Variants in RELN observed in about 807,000 individuals in gnomAD.
RELN encodes the protein reelin.
Under a neutral mutation model 427.6 loss-of-function variants are expected in RELN, and 108 were observed. The observed-to-expected ratio is 0.25, with a 90% confidence interval of 0.22 to 0.30. The LOEUF (loss-of-function observed/expected upper bound fraction) is 0.30, where lower values mean the gene tolerates loss of function less well. RELN is among the 10% of genes least tolerant of loss of function. RELN has a pLI of 1.00. For synonymous variants in RELN, 1,524 were observed against 1,513.4 expected, an observed-to-expected ratio of 1.01 and a Z score of -0.16; for missense variants, 3,715 against 4,302.8, an observed-to-expected ratio of 0.86 and a Z score of 3.82.
At chr7:103,497,288 T>C (rs1828870565) in intron 55 of RELN, among the ~76,000 whole-genome samples, 1 of 152,224 alleles carries the variant, frequency 6.6e-6, no homozygotes, top group Non-Finnish European at 1.5e-5. Context: ...GAATGATATC[T>C]ATCTGCTAAA....
At chr7:103,928,094 A>C (rs376998172) in intron 1 of RELN, among the ~76,000 whole-genome samples, 1 of 152,196 alleles carries the variant, frequency 6.6e-6, no homozygotes, top group Non-Finnish European at 1.5e-5. Flanking sequence ...AGGCAAACTA[A>C]AATATAGATT....
At chr7:103,536,402 A>G (rs73418553) in intron 45 of RELN, among the ~76,000 whole-genome samples, 168 of 152,228 alleles carry the variant, frequency 1.1e-3, no homozygotes, top group African/African-American at 3.9e-3. Context: ...TGTGGTTCTC[A>G]GTCTTGGCTG....
At chr7:103,611,948 T>G (rs1010077922) in intron 20 of RELN, 145 bp from the exon 21 acceptor site, 12 of 696,832 alleles carry the variant, frequency 1.7e-5, no homozygotes, top group Non-Finnish European at 3.0e-5. Flanking sequence ...TTTCGGTCAA[T>G]CTAATAAATG....
intron 2 of RELN, among the ~76,000 whole-genome samples, chr7:103,867,790 A>G (rs1197970918): frequency 6.6e-6 from 1 of 151,952 alleles, no homozygotes; most frequent in Non-Finnish European, 1.5e-5. Flanking sequence ...TCTTTATTTC[A>G]TTTTACAGAA....
At chr7:103,481,003 C>T (rs1359144344) in intron 63 of RELN, among the ~76,000 whole-genome samples, 2 of 152,140 alleles carry the variant, frequency 1.3e-5, no homozygotes, top group East Asian at 3.9e-4. Flanking sequence ...ACCAGGTGAC[C>T]TGGGAGACTC....
At chr7:103,643,564 T>C (rs1323923506) in intron 16 of RELN, among the ~76,000 whole-genome samples, 2 of 151,942 alleles carry the variant, frequency 1.3e-5, no homozygotes, top group East Asian at 3.9e-4. Flanking sequence ...ACAGCAGCTA[T>C]TCATAGCTAA....
chr7:103,591,370 A>G (rs754197394), intron 27 of RELN, among the ~76,000 whole-genome samples: 6 of 152,216 alleles, frequency 3.9e-5, no homozygotes, highest in African/African-American at 9.6e-5. Flanking sequence ...CAGGAGGTCA[A>G]TCAGTTAATC....
At chr7:103,983,488 G>A (rs977652556) in intron 1 of RELN, among the ~76,000 whole-genome samples, 3 of 152,140 alleles carry the variant, frequency 2.0e-5, no homozygotes, top group Non-Finnish European at 4.4e-5. Flanking sequence ...CACAATTCCT[G>A]CGTTTGAACA....
rs147525430 is a variant in RELN, at chr7:103,474,475, TC to T, written c.10287-1568del. ...TTAGGCAGATTTACTATCCTCCCCCTCCCATCCCCTCCATGTGACAATATTA... is the reference window on the plus strand; with the variant it reads ...TTAGGCAGATTTACTATCCTCCCCCTCCATCCCCTCCATGTGACAATATTA... On this transcript the variant is annotated intron_variant, in intron 64 of 64. Coordinates refer to ENST00000428762, the MANE Select transcript of RELN (RefSeq NM_005045.4). Among the ~76,000 whole-genome samples the T allele has an allele frequency of 8.6e-3, 1,306 of 152,122 alleles. 25 individuals carry two copies. Among genetic ancestry groups the T allele is most frequent in the African/African-American group, 0.03 (1,239 of 41,502 alleles).
At position 103,497,405 on chromosome 7, in the gene RELN, G is replaced by C. The variant is rs1322531418; in HGVS notation, c.8950+415C>G. On this transcript the variant is annotated intron_variant, in intron 55 of 64. Transcript: ENST00000428762. ...ATTCTATGACAAACTCACAAAATCA[G>C]ACTTTTTTTTCACAATTTTAGAAGA... is the stretch of plus-strand genomic sequence containing the variant. Among the ~76,000 whole-genome samples, 5 of 151,840 alleles carry C rather than the reference G, an allele frequency of 3.3e-5. No individual in the cohort carries two copies. The East Asian group carries it at 9.6e-4, about 29-fold the overall frequency.
chr7:103,808,683 C>T (rs933475392), intron 3 of RELN, among the ~76,000 whole-genome samples: 2 of 151,764 alleles, frequency 1.3e-5, no homozygotes, highest in African/African-American at 4.8e-5. Flanking sequence ...ATTTGAAATA[C>T]TATGGCAGAA....
chr7:103,474,692 C>A (rs1376241331), intron 64 of RELN, among the ~76,000 whole-genome samples: 1 of 151,914 alleles, frequency 6.6e-6, no homozygotes, highest in Non-Finnish European at 1.5e-5. Context: ...TTCACAAAAT[C>A]TTGGGACTGG....
rs199505264 is a variant in RELN at position 103,989,082 on chromosome 7, T to C, written c.226+49A>G. The C allele has an allele frequency of 6.6e-7, 1 of 1,518,346 alleles. No individual in the cohort carries two copies. The highest frequency in any genetic ancestry group is 2.3e-5 in the East Asian group (1 of 44,242). The allele number at this position is 1,518,346 out of a possible 1,614,324, so 94.1% of individuals were successfully genotyped here. On this transcript the variant is annotated intron_variant, in intron 1 of 64. Coordinates refer to ENST00000428762, the MANE Select transcript of RELN (RefSeq NM_005045.4). This position sits in a 1 kb window ranked among gnomAD's most constrained non-coding sequence, Gnocchi z 4.9. The stretch of plus-strand genomic sequence containing the variant: ...AAGGAAAGGGATGAGAAAGGTGCGC[T>C]GGCGGGCGCACCCGGCGGCGGCGAG...
chr7:103,581,519 G>A (rs1831129817), intron 28 of RELN, among the ~76,000 whole-genome samples: 1 of 152,052 alleles, frequency 6.6e-6, no homozygotes. Context: ...AGTCTTGGGA[G>A]GACACTGAAT....
In RELN at chr7:103,540,452, A is replaced by G. The variant is rs764845111; in HGVS notation, c.6675T>C (p.Phe2225=). ...ATCCCAGTCTCATGAAGAACTGCAC[A>G]AATCTGACATTTGTAAACGTTACTG... ...TRDLDLSHAR[F]VQFFMRLGCG... Residue 2225 remains phenylalanine (F), a synonymous_variant, in exon 44 of 65, where the codon TTT becomes TTC. Coordinates refer to ENST00000428762, the MANE Select transcript of RELN (RefSeq NM_005045.4). 44 of 1,613,732 alleles carry G rather than the reference A, an allele frequency of 2.7e-5. No individual in the cohort carries two copies. Among genetic ancestry groups the G allele is most frequent in the Non-Finnish European group, 8.5e-7 (1 of 1,180,010 alleles).
At chr7:103,610,404 A>G (rs780746334) in intron 22 of RELN, among the ~76,000 whole-genome samples, 4 of 152,188 alleles carry the variant, frequency 2.6e-5, no homozygotes, top group Non-Finnish European at 4.4e-5. Flanking sequence ...TAACCGACTC[A>G]TTGAGTTCTC....
chr7:103,889,949 G>C (rs1001787905), intron 2 of RELN, among the ~76,000 whole-genome samples: 1 of 152,058 alleles, frequency 6.6e-6, no homozygotes, highest in Non-Finnish European at 1.5e-5. Context: ...TTTTAGTGTG[G>C]AGTTCTCTGA....
intron 46 of RELN, among the ~76,000 whole-genome samples, chr7:103,531,839 C>T (rs562831168): frequency 3.1e-4 from 47 of 152,310 alleles, no homozygotes; most frequent in African/African-American, 1.1e-3. Context: ...TGCGTTTACC[C>T]TGTTGGTGGG....
chr7:103,975,632 G>A (rs1195633005), intron 1 of RELN, among the ~76,000 whole-genome samples: 7 of 151,128 alleles, frequency 4.6e-5, no homozygotes, highest in Non-Finnish European at 8.8e-5. Context: ...TGCAAGCTCC[G>A]CCTCCCGGGT....
Sources: allele counts gnomAD v4.1 joint callset (sites outside exome capture counted in the v4.1 genomes callset), GRCh38; gene constraint gnomAD v4.1.1; non-coding constraint Gnocchi (gnomAD v3.1); transcripts MANE v1.5; gene names NCBI Gene and HGNC (gene_info 2026-07-23, HGNC 2026-07-21).